EPPK1: variants seen among roughly 807,000 people sequenced by gnomAD.
The protein encoded by EPPK1 is epiplakin.
For synonymous variants in EPPK1, 1,862 were observed against 1,721.2 expected, an observed-to-expected ratio of 1.08 and a Z score of -2.03; for missense variants, 3,823 against 3,673.3, an observed-to-expected ratio of 1.04 and a Z score of -1.05.
rs374929678 is a variant in EPPK1, at chr8:143,869,286, G to A, written c.3968C>T (p.Ala1323Val). 193 of 1,603,982 alleles carry A rather than the reference G, an allele frequency of 1.2e-4. No homozygotes were observed. The highest frequency in any genetic ancestry group is 6.4e-4 in the Admixed American group (38 of 59,284). Residue 1323 changes from alanine to valine, a missense_variant, in exon 2 of 2, where the codon GCG becomes GTG. By Grantham distance (64) the Ala-to-Val change is moderately conservative. Coordinates refer to ENST00000615648, the MANE Select transcript of EPPK1 (RefSeq NM_031308.4). ...GTAGGGATCTGGGTACCCGGCCGCCGCCCTCTCGGCCTGCCCGAGCTGCTC... is the reference window on the plus strand; with the variant it reads ...GTAGGGATCTGGGTACCCGGCCGCCACCCTCTCGGCCTGCCCGAGCTGCTC... Reference protein sequence around the residue: ...LSEQLGQAERAAAGYPDPYSR... With the variant: ...LSEQLGQAERVAAGYPDPYSR...
In EPPK1 at chr8:143,869,626, C is replaced by T; in HGVS notation, c.3628G>A (p.Asp1210Asn). 1 of 1,581,694 alleles carries T rather than the reference C, an allele frequency of 6.3e-7. No individual in the cohort carries two copies. Residue 1210 changes from aspartate (D) to asparagine (N), a missense_variant, in exon 2 of 2, where the codon GAT becomes AAT. Asp to Asn is a conservative substitution (Grantham distance 23). Coordinates refer to ENST00000615648, the MANE Select transcript of EPPK1 (RefSeq NM_031308.4). The stretch of plus-strand genomic sequence containing the variant: ...GTCTCCTGGGTGATGATGCCAGCAT[C>T]CAGCAGCCAGACAGCGGGTACCTCA... ...RGEVPAVWLLDAGIITQETLE... is the reference protein window; with the variant it reads ...RGEVPAVWLLNAGIITQETLE...
rs543174151 is a variant in EPPK1 at position 143,869,365 on chromosome 8, T to G, written c.3889A>C (p.Arg1297=). ...GFLVDPLNNQ[R]LSVEDAVKVG... is the part of the protein sequence containing the mutation. Reference sequence around the variant, plus strand: ...TTAACCGCGTCCTCCACTGACAGTCTCTGGTTGTTCAGGGGGTCAACAAGG... The same window carrying G: ...TTAACCGCGTCCTCCACTGACAGTCGCTGGTTGTTCAGGGGGTCAACAAGG... Residue 1297 remains arginine (R), a synonymous_variant, in exon 2 of 2, where the codon AGA becomes CGA. Coordinates refer to ENST00000615648, the MANE Select transcript of EPPK1 (RefSeq NM_031308.4). The G allele has an allele frequency of 3.1e-6, 5 of 1,610,882 alleles. No homozygotes were observed. In the South Asian group the frequency reaches 5.5e-5, roughly 18 times the overall value.
Position 143,869,162 on chromosome 8 carries a change from A to AC in EPPK1, c.4091dup (p.Val1365CysfsTer33). 1 of 1,606,052 alleles carries AC rather than the reference A, an allele frequency of 6.2e-7. No individual in the cohort carries two copies. Among genetic ancestry groups the AC allele is most frequent in the African/African-American group, 1.3e-5 (1 of 74,548 alleles). ...GCACCCCGTGGACAGGGTCCACCAC[A>AC]CCCCCTGTGGCCAGCTGCACCTGCA... On this transcript the variant is annotated frameshift_variant, in exon 2 of 2. Transcript: ENST00000615648. LOFTEE classifies it low-confidence loss of function (END_TRUNC).
Position 143,872,146 on chromosome 8 carries a change from A to C in EPPK1, c.1108T>G (p.Phe370Val). Residue 370 changes from phenylalanine to valine, a missense_variant, in exon 2 of 2, where the codon TTC becomes GTC. Physicochemically the swap from Phe to Val is conservative, Grantham distance 50. Transcript: ENST00000615648. The stretch of plus-strand genomic sequence containing the variant: ...AAAAGGGGGATTTGGGAGCCACTGA[A>C]GGGGTCGTGGTGCCCTGTCACGGCC... ...EQAVTGHHDP[F>V]SGSQIPLFQA... The C allele has an allele frequency of 6.3e-7, 1 of 1,579,108 alleles. No individual in the cohort carries two copies. Among genetic ancestry groups the C allele is most frequent in the Non-Finnish European group, 8.6e-7 (1 of 1,162,952 alleles).
In EPPK1 at chr8:143,867,687, G is replaced by A. The variant is rs781976496; in HGVS notation, c.5567C>T (p.Ala1856Val). ...KVAAIRGEVT[A>V]ADLFNSRVID... ...GACCCTGGAGTTGAACAGGTCTGCA[G>A]CTGTCACCTCCCCTCTGATGGCCGC... Residue 1856 changes from alanine to valine, a missense_variant, in exon 2 of 2, where the codon GCT becomes GTT. Coordinates refer to ENST00000615648, the MANE Select transcript of EPPK1 (RefSeq NM_031308.4). 3 of 1,613,586 alleles carry A rather than the reference G, an allele frequency of 1.9e-6. No homozygotes were observed. In the Admixed American group the frequency reaches 5.0e-5, roughly 27 times the overall value.
chr8:143,874,649 A>G (rs889437623), intron 1 of EPPK1, among the ~76,000 whole-genome samples: 30 of 152,042 alleles, frequency 2.0e-4, no homozygotes, highest in African/African-American at 6.8e-4. Context: ...CTGTGAGAGC[A>G]ATTTCCTGCT....
At chr8:143,873,329 C>A (rs1254501990) in intron 1 of EPPK1, 31 bp from the exon 2 acceptor site, 3 of 1,398,160 alleles carry the variant, frequency 2.1e-6, no homozygotes, top group African/African-American at 1.5e-5. Context: ...CAATCAGGGA[C>A]CCCGCATGGC....
rs368491047 is a variant in EPPK1, at chr8:143,870,645, G to A, written c.2609C>T (p.Ala870Val). 73 of 1,606,078 alleles carry A rather than the reference G, an allele frequency of 4.5e-5. No individual in the cohort carries two copies. In the Middle Eastern group the frequency reaches 4.9e-4, roughly 11 times the overall value. Reference sequence around the variant, plus strand: ...GATGTCCGCCTGTCTCTGCGTCTCCGCCTCCAGCAGCTTTGCCACCTGCCC... The same window carrying A: ...GATGTCCGCCTGTCTCTGCGTCTCCACCTCCAGCAGCTTTGCCACCTGCCC... The part of the protein sequence containing the change: ...TLGQVAKLLE[A>V]ETQRQADIML... Residue 870 changes from alanine to valine, a missense_variant, in exon 2 of 2, where the codon GCG (alanine) becomes GTG (valine). Ala to Val is a moderately conservative substitution (Grantham distance 64, BLOSUM62 0). Transcript: ENST00000615648. The surrounding 1 kb of genome is among the most constrained non-coding windows in gnomAD (Gnocchi z 5.2).
chr8:143,871,555 C>CGGTGTCCCTCAGCCCAGAAAA lies in EPPK1; in HGVS notation c.1678_1698dup (p.Phe560_Thr566dup). On this transcript the variant is annotated inframe_insertion, in exon 2 of 2. Coordinates refer to ENST00000615648, the MANE Select transcript of EPPK1 (RefSeq NM_031308.4). ...GCTTTCAGCAGCTCTCCTGGTGTCA[C>CGGTGTCCCTCAGCCCAGAAAA]GGTGTCCCTCAGCCCAGAAAAGGTG... is the stretch of plus-strand genomic sequence containing the variant. The CGGTGTCCCTCAGCCCAGAAAA allele has an allele frequency of 6.2e-7, 1 of 1,609,910 alleles. No homozygotes were observed. The highest frequency in any genetic ancestry group is 1.1e-5 in the South Asian group (1 of 90,564).
At position 143,858,046 on chromosome 8, in the gene EPPK1, G is replaced by A. The variant is rs781950223; in HGVS notation, c.15208C>T (p.Gln5070Ter). Residue 5070 changes from glutamine to a stop codon, truncating the protein, a stop_gained, in exon 2 of 2, where the codon CAG becomes TAG. Transcript: ENST00000615648. LOFTEE classifies it low-confidence loss of function (END_TRUNC). ...HENLTYLQLL[Q>*]RATLDPETGL... ...GTCTCAGGGTCCAGGGTGGCCCTCT[G>A]CAGAAGCTGCAGGTACGTGAGGTTC... is the stretch of plus-strand genomic sequence containing the variant. 1.2e-6 allele frequency: 2 copies of A among 1,613,144 alleles called. No individual in the cohort carries two copies. The highest frequency in any genetic ancestry group is 1.7e-6 in the Non-Finnish European group (2 of 1,179,960).
chr8:143,868,421 G>A lies in EPPK1; in HGVS notation c.4833C>T (p.Thr1611=), dbSNP rs149570635. The stretch of plus-strand genomic sequence containing the variant: ...TCTCCACGGGGTCGATGATGAAGCC[G>A]GTAGCTGCCTGTGCCTCCAGCAGCA... ...ALVLLEAQAA[T]GFIIDPVENR... Residue 1611 remains threonine, a synonymous_variant, in exon 2 of 2, where the codon ACC becomes ACT. Coordinates refer to ENST00000615648, the MANE Select transcript of EPPK1 (RefSeq NM_031308.4). 1.3e-4 allele frequency: 206 copies of A among 1,612,538 alleles called. No individual in the cohort carries two copies. The highest frequency in any genetic ancestry group is 1.0e-4 in the Admixed American group (6 of 60,020).
rs551083708 is a variant in EPPK1, at chr8:143,858,072, T to C, written c.15182A>G (p.Glu5061Gly). 3 of 1,613,482 alleles carry C rather than the reference T, an allele frequency of 1.9e-6. No individual in the cohort carries two copies. The highest frequency in any genetic ancestry group is 4.5e-5 in the East Asian group (2 of 44,884). ...TKGFFDPNTH[E>G]NLTYLQLLQR... Reference sequence around the variant, plus strand: ...CAGAAGCTGCAGGTACGTGAGGTTCTCGTGCGTGTTGGGGTCGAAGAAGCC... The same window carrying C: ...CAGAAGCTGCAGGTACGTGAGGTTCCCGTGCGTGTTGGGGTCGAAGAAGCC... Residue 5061 changes from glutamate to glycine, a missense_variant, in exon 2 of 2, where the codon GAG (glutamate) becomes GGG (glycine). Coordinates refer to ENST00000615648, the MANE Select transcript of EPPK1 (RefSeq NM_031308.4).
rs931286088 is a variant in EPPK1, at chr8:143,866,693, G to C, written c.6561C>G (p.Leu2187=). Residue 2187 remains leucine (L), a synonymous_variant, in exon 2 of 2, where the codon CTC becomes CTG. Transcript: ENST00000615648. ...IRRQITASEL[L]SSAIITEEML... is the part of the protein sequence containing the mutation. ...TTTCCTCCGTGATTATGGCTGAGCT[G>C]AGGAGTTCAGAAGCTGTGATCTGTC... 9.3e-6 allele frequency: 15 copies of C among 1,613,346 alleles called. No homozygotes were observed. The highest frequency in any genetic ancestry group is 1.2e-5 in the Non-Finnish European group (14 of 1,179,862).
rs527634832 is a variant in EPPK1 at position 143,866,765 on chromosome 8, C to T, written c.6489G>A (p.Glu2163=). 1.3e-5 allele frequency: 21 copies of T among 1,613,520 alleles called. No homozygotes were observed. In the East Asian group the frequency reaches 2.5e-4, roughly 19 times the overall value. Residue 2163 remains glutamate, a synonymous_variant, in exon 2 of 2, where the codon GAG becomes GAA. Transcript: ENST00000615648. ...TVAQLILELI[E]KQETSNKHLW... ...GGTGTTTGTTGCTGGTTTCCTGCTT[C>T]TCGATCAACTCTAAGATGAGCTGCG...
chr8:143,872,952 TGCTGCAGG>T lies in EPPK1; in HGVS notation c.294_301del (p.Leu99GlyfsTer15), dbSNP rs1819406022. The T allele has an allele frequency of 3.7e-6, 6 of 1,609,168 alleles. No individual in the cohort carries two copies. In the East Asian group the frequency reaches 1.3e-4, roughly 36 times the overall value. ...CTTCAGCTCCAGCCCCACCAGACCC[TGCTGCAGG>T]GCCTTGGACACAGGGAGCAGCTGGC... is the stretch of plus-strand genomic sequence containing the variant. On this transcript the variant is annotated frameshift_variant, in exon 2 of 2. Coordinates refer to ENST00000615648, the MANE Select transcript of EPPK1 (RefSeq NM_031308.4). LOFTEE classifies it low-confidence loss of function (END_TRUNC).
At chr8:143,876,674 A>G (rs1819484878) in intron 1 of EPPK1, among the ~76,000 whole-genome samples, 1 of 152,188 alleles carries the variant, frequency 6.6e-6, no homozygotes, top group Admixed American at 6.5e-5. Context: ...GGCCCTCTCC[A>G]GCACGCCTCG....
Position 143,867,428 on chromosome 8 carries a change from G to A in EPPK1, c.5826C>T (p.Asp1942=), listed in dbSNP as rs576788732. The part of the protein sequence containing the change: ...EAQAATGFLL[D]PCTRQKLSVD... ...CAGAGAGCTTCTGGCGGGTGCAGGG[G>A]TCCAGGAGGAACCCGGTGGCGGCCT... The change falls in exon 2 of 2, where the codon GAC becomes GAT. Residue 1942 remains aspartate, a synonymous_variant. Transcript: ENST00000615648. The A allele has an allele frequency of 3.1e-6, 5 of 1,612,668 alleles. No homozygotes were observed. The highest frequency in any genetic ancestry group is 2.7e-5 in the African/African-American group (2 of 74,936).
intron 1 of EPPK1, among the ~76,000 whole-genome samples, chr8:143,877,193 G>C (rs1554662405): frequency 6.6e-6 from 1 of 152,210 alleles, no homozygotes; most frequent in African/African-American, 2.4e-5. Flanking sequence ...CCTTGGGCCT[G>C]GTATGAACCC....
At position 143,871,781 on chromosome 8, in the gene EPPK1, C is replaced by G. The variant is rs782180711; in HGVS notation, c.1473G>C (p.Leu491=). Residue 491 remains leucine, a synonymous_variant, in exon 2 of 2, where the codon CTG becomes CTC. Transcript: ENST00000615648. ...CAGAGACGGTGGCTGTGGCCGTGCT[C>G]AGGGCCTGCCGAGTGCTGTACTTGA... The part of the protein sequence containing the change: ...PFIKYSTRQA[L]STATATVSVG... 7 of 1,611,466 alleles carry G rather than the reference C, an allele frequency of 4.3e-6. No homozygotes were observed. Among genetic ancestry groups the G allele is most frequent in the Middle Eastern group, 1.6e-4 (1 of 6,076 alleles).
Sources: gnomAD v4.1 joint callset for allele counts (sites outside exome capture counted in the v4.1 genomes callset) on GRCh38, gnomAD v4.1.1 for gene constraint, Gnocchi (gnomAD v3.1) non-coding constraint, MANE v1.5 for transcripts, NCBI Gene and HGNC (gene_info 2026-07-23, HGNC 2026-07-21) for gene names.